The following FAM20B variants were observed in gnomAD, a reference collection of about 807,000 sequenced individuals.
FAM20B encodes the protein FAM20B glycosaminoglycan xylosylkinase, also known as glycosaminoglycan xylosylkinase.
FAM20B carries 23 observed loss-of-function variants against 43.8 expected under a neutral mutation model. The observed-to-expected ratio is 0.53, with a 90% CI of 0.38 to 0.74. The LOEUF is 0.74. Ranked by LOEUF, FAM20B falls within the 30% of genes least tolerant of loss-of-function variation. The probability of loss-of-function intolerance (pLI) is 0.00; values close to 1 mark genes in which losing one functional copy is unlikely to be tolerated. For missense variants in FAM20B, 440 were observed against 510.5 expected, an observed-to-expected ratio of 0.86 and a Z score of 1.33; for synonymous variants, 178 against 192.4, an observed-to-expected ratio of 0.93 and a Z score of 0.62.
the FAM20B span, among the ~76,000 whole-genome samples, chr1:179,020,195 A>T: frequency 4.8e-5 from 7 of 145,632 alleles, no homozygotes; most frequent in Non-Finnish European, 7.5e-5. Context: ...ACACACACAC[A>T]CTTAAATGTA....
intron 1 of FAM20B, among the ~76,000 whole-genome samples, chr1:179,037,479 C>CTGTT (rs1650291411): frequency 1.1e-5 from 1 of 88,380 alleles, no homozygotes; most frequent in Non-Finnish European, 2.0e-5. Context: ...GTATGTCGGT[C>CTGTT]TTTTTTTTTT....
chr1:179,071,956 G>A lies in FAM20B; in HGVS notation c.1042G>A (p.Gly348Ser), dbSNP rs1475912642. The A allele has an allele frequency of 6.2e-7, 1 of 1,614,094 alleles. No homozygotes were observed. Reference protein sequence around the residue: ...TWNRLNYLKNGVLKSALKSAM... With the variant: ...TWNRLNYLKNSVLKSALKSAM... ...GAACAGACTGAACTACCTAAAGAATGGTGTGCTAAAGTCTGCCTTAAAATC... is the reference window on the plus strand; with the variant it reads ...GAACAGACTGAACTACCTAAAGAATAGTGTGCTAAAGTCTGCCTTAAAATC... The change falls in exon 8 of 8, where the codon GGT (glycine) becomes AGT (serine). Residue 348 changes from glycine to serine, a missense_variant. Transcript: ENST00000263733.
At chr1:179,067,344 C>T (rs1289278213) in intron 7 of FAM20B, among the ~76,000 whole-genome samples, 1 of 152,212 alleles carries the variant, frequency 6.6e-6, no homozygotes, top group Non-Finnish European at 1.5e-5. Flanking sequence ...GTGGCTCACT[C>T]CTGTAATCCC....
intron 1 of FAM20B, among the ~76,000 whole-genome samples, chr1:179,030,339 G>C (rs137857845): frequency 6.6e-6 from 1 of 151,744 alleles, no homozygotes; most frequent in African/African-American, 2.4e-5. Context: ...GTACTTACTC[G>C]TGTGGGTTCT....
chr1:179,067,603 C>CA (rs1230187204), intron 7 of FAM20B, among the ~76,000 whole-genome samples: 2 of 148,922 alleles, frequency 1.3e-5, no homozygotes, highest in South Asian at 2.1e-4. Flanking sequence ...GACTCTGTCT[C>CA]AAAAAAAATA....
rs534875316 is a variant in FAM20B at position 179,043,645 on chromosome 1, G to T, written c.-133-70G>T. On this transcript the variant is annotated intron_variant, in intron 1 of 7. Coordinates refer to ENST00000263733, the MANE Select transcript of FAM20B (RefSeq NM_014864.4). ...TAAAAGGGTGAGTCATATATTAGAG[G>T]CTTACAAAAGATTCAGGGGTGGAAG... 2.9e-5 allele frequency: 15 copies of T among 523,000 alleles called. No individual in the cohort carries two copies. In the South Asian group the frequency reaches 4.4e-4, roughly 15 times the overall value. The allele number at this position is 523,000 out of a possible 1,614,324, so 32.4% of individuals were successfully genotyped here.
chr1:179,045,799 T>C (rs1039195917), intron 2 of FAM20B, among the ~76,000 whole-genome samples: 2 of 151,138 alleles, frequency 1.3e-5, no homozygotes, highest in East Asian at 3.9e-4. Flanking sequence ...GGTGGGAGGA[T>C]GGGAAGATTG....
In FAM20B at chr1:179,071,993, A is replaced by G. The variant is rs146312839; in HGVS notation, c.1079A>G (p.His360Arg). ...LKSALKSAMAHDPISPVLSDP... is the reference protein window; with the variant it reads ...LKSALKSAMARDPISPVLSDP... ...TCTGCCTTAAAATCTGCCATGGCCC[A>G]TGACCCCATCTCCCCAGTGCTCTCT... Residue 360 changes from histidine (H) to arginine (R), a missense_variant, in exon 8 of 8, where the codon CAT becomes CGT. His to Arg is a conservative substitution (Grantham distance 29). Transcript: ENST00000263733. The G allele has an allele frequency of 9.9e-5, 159 of 1,614,034 alleles. No individual in the cohort carries two copies. Among genetic ancestry groups the G allele is most frequent in the Non-Finnish European group, 1.3e-4 (156 of 1,180,016 alleles).
At chr1:179,063,337 G>A (rs904231315) in intron 4 of FAM20B, among the ~76,000 whole-genome samples, 1 of 152,134 alleles carries the variant, frequency 6.6e-6, no homozygotes, top group Non-Finnish European at 1.5e-5. Context: ...TATAATCCCA[G>A]CATTTTGAGA....
intron 2 of FAM20B, among the ~76,000 whole-genome samples, chr1:179,048,514 A>G (rs915490763): frequency 1.3e-5 from 2 of 152,212 alleles, no homozygotes; most frequent in Non-Finnish European, 2.9e-5. Context: ...AAAGGACCAT[A>G]CTGCACTTCA....
chr1:179,040,543 C>A lies in FAM20B; in HGVS notation c.-133-3172C>A, dbSNP rs544736303. Among the ~76,000 whole-genome samples, 10 of 136,538 alleles carry A rather than the reference C, an allele frequency of 7.3e-5. 1 individual carries two copies. Among genetic ancestry groups the A allele is most frequent in the African/African-American group, 2.5e-4 (9 of 35,616 alleles). The allele number at this position is 136,538 out of a possible 152,430, so 89.6% of individuals were successfully genotyped here. On this transcript the variant is annotated intron_variant, in intron 1 of 7. Transcript: ENST00000263733. The stretch of plus-strand genomic sequence containing the variant: ...GCGGCTGGCCGGGCGGGGGGCTGAC[C>A]CCCCTACCTCCCTCCAGGACGGGGC...
intron 1 of FAM20B, among the ~76,000 whole-genome samples, chr1:179,038,075 A>G (rs961964508): frequency 1.3e-5 from 2 of 152,244 alleles, no homozygotes; most frequent in South Asian, 4.1e-4. Context: ...CACGAGGGGG[A>G]GGATTTTCTT....
intron 4 of FAM20B, among the ~76,000 whole-genome samples, chr1:179,057,884 T>C (rs1651296494): frequency 6.6e-6 from 1 of 152,016 alleles, no homozygotes; most frequent in African/African-American, 2.4e-5. Context: ...TGATAATTCG[T>C]GAAGGTGATA....
In FAM20B at chr1:179,063,854, C is replaced by T. The variant is rs531660051; in HGVS notation, c.575-73C>T. ...TGCTTATTTACTTAGCTACTCTGTT[C>T]TGCATTATTTGGGAGAGAACTTGGA... On this transcript the variant is annotated intron_variant, in intron 4 of 7. Transcript: ENST00000263733. 1.0e-4 allele frequency: 110 copies of T among 1,076,020 alleles called. No homozygotes were observed. The East Asian group carries it at 2.6e-3, about 25-fold the overall frequency. The allele number at this position is 1,076,020 out of a possible 1,614,324, so 66.7% of individuals were successfully genotyped here. A position where few individuals can be genotyped will look rare whatever the true frequency, so the allele number is the denominator to read the frequency against.
intron 1 of FAM20B, among the ~76,000 whole-genome samples, chr1:179,034,343 C>G (rs1469564950): frequency 1.3e-5 from 2 of 152,114 alleles, no homozygotes; most frequent in Non-Finnish European, 2.9e-5. Flanking sequence ...AGTTACAAAG[C>G]CAGCCCAGAT....
chr1:179,054,778 A>G, intron 4 of FAM20B, 140 bp downstream of exon 4: 1 of 494,558 alleles, frequency 2.0e-6, no homozygotes, highest in East Asian at 3.1e-5. Flanking sequence ...ACCAGCTCTC[A>G]GGTTATTTGG....
chr1:179,054,628 C>G lies in FAM20B; in HGVS notation c.564C>G (p.Phe188Leu), dbSNP rs199594990. ...CCACAGAGCAGCTGTTGAGCACCTT[C>G]CTAACTGTAGGTAAGAAGATTGTAG... ...PVATEQLLST[F>L]LTVGNNTCFY... The change falls in exon 4 of 8, where the codon TTC (phenylalanine) becomes TTG (leucine). Residue 188 changes from phenylalanine (F) to leucine (L), a missense_variant. By Grantham distance (22) the Phe-to-Leu change is conservative. Transcript: ENST00000263733. 13 of 1,600,598 alleles carry G rather than the reference C, an allele frequency of 8.1e-6. No individual in the cohort carries two copies. The Admixed American group carries it at 1.7e-4, about 21-fold the overall frequency.
intron 1 of FAM20B, among the ~76,000 whole-genome samples, chr1:179,037,500 T>TTTTG (rs10681214): frequency 1.8e-4 from 26 of 147,486 alleles, no homozygotes; most frequent in African/African-American, 3.8e-4. Flanking sequence ...TTTTTTTTTT[T>TTTTG]GTGAGACGGA....
At chr1:179,053,554 A>G (rs1270904315) in intron 3 of FAM20B, among the ~76,000 whole-genome samples, 8 of 152,190 alleles carry the variant, frequency 5.3e-5, no homozygotes, top group Non-Finnish European at 8.8e-5. Flanking sequence ...TCTTCATTAC[A>G]GTCAGATTTA....
Sources: gnomAD v4.1 joint callset for allele counts (sites outside exome capture counted in the v4.1 genomes callset) on GRCh38, gnomAD v4.1.1 for gene constraint, MANE v1.5 for transcripts, NCBI Gene and HGNC (gene_info 2026-07-23, HGNC 2026-07-21) for gene names.